Variants in DLGAP2 observed in about 807,000 individuals in gnomAD.
DLGAP2 encodes disks large-associated protein 2.
DLGAP2 carries 26 observed loss-of-function variants against 100.3 expected under a neutral mutation model. That is an observed-to-expected ratio of 0.26 (90% confidence interval 0.19 to 0.36). The LOEUF (loss-of-function observed/expected upper bound fraction) is 0.36. Ranked by LOEUF, DLGAP2 falls within the 10% of genes least tolerant of loss-of-function variation. The pLI is 1.00. For missense variants in DLGAP2, 1,858 were observed against 1,453.2 expected, an observed-to-expected ratio of 1.28 and a Z score of -4.53; for synonymous variants, 886 against 630.1, an observed-to-expected ratio of 1.41 and a Z score of -6.08.
At chr8:936,709 A>G (rs989176362) in intron 2 of DLGAP2, among the ~76,000 whole-genome samples, 1 of 152,100 alleles carries the variant, frequency 6.6e-6, no homozygotes, top group Non-Finnish European at 1.5e-5. Flanking sequence ...TTGGTTTTTT[A>G]GTTGCTGTTG....
intron 3 of DLGAP2, among the ~76,000 whole-genome samples, chr8:1,473,075 C>T (rs367799519): frequency 2.8e-4 from 43 of 152,276 alleles, no homozygotes; most frequent in African/African-American, 9.9e-4. Context: ...GGATTACAGG[C>T]ACCTGCCACC....
chr8:1,568,474 G>C (rs1407438617), intron 6 of DLGAP2, among the ~76,000 whole-genome samples: 2 of 125,648 alleles, frequency 1.6e-5, no homozygotes, highest in Non-Finnish European at 3.3e-5. Flanking sequence ...CCACTCAGCA[G>C]ACACAAATCC....
At chr8:1,136,142 G>A (rs1179658555) in intron 2 of DLGAP2, among the ~76,000 whole-genome samples, 1 of 152,180 alleles carries the variant, frequency 6.6e-6, no homozygotes, top group African/African-American at 2.4e-5. Context: ...CCAGGTAGAA[G>A]TAGTGAGGAA....
intron 1 of DLGAP2, among the ~76,000 whole-genome samples, chr8:828,031 G>C (rs1796714805): frequency 6.6e-6 from 1 of 152,128 alleles, no homozygotes; most frequent in Admixed American, 6.6e-5. Flanking sequence ...TATATGAATA[G>C]GTGTGGGTGA....
At chr8:894,069 C>T (rs1237868585) in intron 1 of DLGAP2, among the ~76,000 whole-genome samples, 4 of 152,188 alleles carry the variant, frequency 2.6e-5, no homozygotes, top group African/African-American at 4.8e-5. Flanking sequence ...TCCCCTCGTG[C>T]GTGAGACGTC....
intron 2 of DLGAP2, chr8:1,032,988 C>CTAGCACTGGAT (rs1802016554): frequency 3.3e-5 from 5 of 152,218 alleles, no homozygotes; most frequent in Admixed American, 3.3e-4. Flanking sequence ...AAAGGGTGAT[C>CTAGCACTGGAT]GTGGGTAACT....
At chr8:831,289 A>G (rs1314892837) in intron 1 of DLGAP2, among the ~76,000 whole-genome samples, 1 of 148,768 alleles carries the variant, frequency 6.7e-6, no homozygotes, top group Admixed American at 6.7e-5. Flanking sequence ...AGGTATATAC[A>G]TGTGCCATGT....
chr8:1,470,576 T>G (rs757434427), intron 3 of DLGAP2, among the ~76,000 whole-genome samples: 1 of 152,176 alleles, frequency 6.6e-6, no homozygotes, highest in Non-Finnish European at 1.5e-5. Flanking sequence ...CTATTCTCTC[T>G]TAAATATTTG....
At chr8:1,630,963 CG>C (rs1563268237) in intron 7 of DLGAP2, among the ~76,000 whole-genome samples, 6 of 102,812 alleles carry the variant, frequency 5.8e-5, no homozygotes, top group Non-Finnish European at 4.6e-5. Context: ...CCCAGTGTCC[CG>C]AGGGTCTCGG....
intron 2 of DLGAP2, among the ~76,000 whole-genome samples, chr8:983,236 A>G (rs751488474): frequency 2.6e-5 from 4 of 152,030 alleles, no homozygotes; most frequent in East Asian, 1.9e-4. Context: ...GGTCCTCGAG[A>G]TGTTCTTGTG....
intron 3 of DLGAP2, among the ~76,000 whole-genome samples, chr8:1,308,731 GTCAGGCTGGTCT>G (rs1307983086): frequency 3.7e-4 from 57 of 152,268 alleles, no homozygotes; most frequent in African/African-American, 1.4e-3. Context: ...CCCCATGTTG[GTCAGGCTGGTCT>G]TGAACTCCCG....
chr8:1,129,669 G>T (rs983783452), intron 2 of DLGAP2, among the ~76,000 whole-genome samples: 1 of 152,160 alleles, frequency 6.6e-6, no homozygotes, highest in African/African-American at 2.4e-5. Context: ...TAGTTTTCTT[G>T]TAACTGTGGA....
rs80092452 is a variant in DLGAP2 at position 1,683,141 on chromosome 8, T to C, written c.2704+4512T>C. Among the ~76,000 whole-genome samples the C allele has an allele frequency of 2.0e-3, 309 of 151,746 alleles. 1 individual carries two copies. Among genetic ancestry groups the C allele is most frequent in the African/African-American group, 7.1e-3 (294 of 41,508 alleles). Reference sequence around the variant, plus strand: ...GACCAGGTACAGGAAGTGGAAACTGTTGAGTGTCATAAGAGAAGTACAGAT... The same window carrying C: ...GACCAGGTACAGGAAGTGGAAACTGCTGAGTGTCATAAGAGAAGTACAGAT... On this transcript the variant is annotated intron_variant, in intron 12 of 14. Transcript: ENST00000637795.
chr8:1,075,859 G>C (rs1563178738), intron 2 of DLGAP2, among the ~76,000 whole-genome samples: 2 of 151,696 alleles, frequency 1.3e-5, no homozygotes, highest in Non-Finnish European at 2.9e-5. Context: ...TGGAGCCCAG[G>C]AGTTCAAGAC....
intron 2 of DLGAP2, among the ~76,000 whole-genome samples, chr8:962,773 G>T (rs1387658272): frequency 2.6e-5 from 4 of 152,208 alleles, no homozygotes; most frequent in East Asian, 3.8e-4. Context: ...TCACGGCAGG[G>T]AGCATGGCCC....
chr8:1,007,050 T>C (rs990856403), intron 2 of DLGAP2, among the ~76,000 whole-genome samples: 7 of 151,886 alleles, frequency 4.6e-5, no homozygotes, highest in African/African-American at 1.5e-4. Flanking sequence ...CTTTATCACG[T>C]TGGGGACACC....
At chr8:1,432,916 GC>G (rs1227898412) in intron 3 of DLGAP2, among the ~76,000 whole-genome samples, 7 of 152,178 alleles carry the variant, frequency 4.6e-5, no homozygotes, top group Admixed American at 4.6e-4. Flanking sequence ...CCTGGGAATG[GC>G]GAGCATCGAG....
intron 4 of DLGAP2, among the ~76,000 whole-genome samples, chr8:1,522,300 C>G (rs1013695425): frequency 6.6e-6 from 1 of 152,224 alleles, no homozygotes; most frequent in Non-Finnish European, 1.5e-5. Flanking sequence ...CAAGCTGTGT[C>G]TTCTGTGTTG....
At chr8:1,561,388 G>C (rs909879198) in intron 5 of DLGAP2, among the ~76,000 whole-genome samples, 1 of 152,172 alleles carries the variant, frequency 6.6e-6, no homozygotes, top group Non-Finnish European at 1.5e-5. Context: ...AGGTCATAAA[G>C]GCTTTAGAAG....
Sources: gnomAD v4.1 joint callset for allele counts (sites outside exome capture counted in the v4.1 genomes callset) on GRCh38, gnomAD v4.1.1 for gene constraint, MANE v1.5 for transcripts, NCBI Gene and HGNC (gene_info 2026-07-23, HGNC 2026-07-21) for gene names.